Variants in SVOP observed in about 807,000 individuals in gnomAD.
SVOP encodes the protein SV2 related protein, also known as synaptic vesicle 2-related protein.
Under a neutral mutation model 69.1 loss-of-function variants are expected in SVOP, and 17 were observed. The ratio of observed to expected loss-of-function variants is 0.25; its 90% CI spans 0.17 to 0.37. The LOEUF (loss-of-function observed/expected upper bound fraction) is 0.37, where lower values mean the gene tolerates loss of function less well. SVOP is among the 10% of genes least tolerant of loss of function. SVOP has a pLI of 1.00. For synonymous variants in SVOP, 238 were observed against 238.6 expected (o/e 1.00, Z 0.02); for missense variants, 435 against 597.5 (o/e 0.73, Z 2.84).
chr12:108,991,821 T>A (rs36169194), intron 1 of SVOP, among the ~76,000 whole-genome samples: 2 of 151,388 alleles, frequency 1.3e-5, no homozygotes, highest in African/African-American at 4.9e-5. Flanking sequence ...TAGCACATAC[T>A]TGTGGTCTTG....
chr12:108,934,087 C>A (rs1014332785), intron 11 of SVOP, 108 bp downstream of exon 11: 8 of 943,782 alleles, frequency 8.5e-6, no homozygotes, highest in Middle Eastern at 2.6e-4. Flanking sequence ...AGAAGTAGTA[C>A]AAGGCCAATC....
chr12:108,981,919 A>G (rs1193966592), intron 2 of SVOP, among the ~76,000 whole-genome samples: 1 of 151,954 alleles, frequency 6.6e-6, no homozygotes, highest in Non-Finnish European at 1.5e-5. Flanking sequence ...TATCAGCATC[A>G]CCACCACTAT....
chr12:108,942,048 T>C (rs1353618761), intron 7 of SVOP, among the ~76,000 whole-genome samples: 3 of 152,228 alleles, frequency 2.0e-5, no homozygotes. Context: ...TTTTCGTCTC[T>C]ATGAATTTGA....
At chr12:108,997,859 GA>G in intron 1 of SVOP, among the ~76,000 whole-genome samples, 1 of 150,450 alleles carries the variant, frequency 6.6e-6, no homozygotes, top group Non-Finnish European at 1.5e-5. Context: ...CAAAGATGGG[GA>G]AAAAACAGAA....
At chr12:109,007,912 C>A (rs2040317974) in intron 1 of SVOP, among the ~76,000 whole-genome samples, 1 of 152,042 alleles carries the variant, frequency 6.6e-6, no homozygotes, top group South Asian at 2.1e-4. Context: ...GTGGTACGCA[C>A]CTTTGGTCTC....
At position 108,930,178 on chromosome 12, in the gene SVOP, C is replaced by T. The variant is rs906747190; in HGVS notation, c.1048+4017G>A. ...AATTTGCATGGAAACACAAGCAATG[C>T]TTGTTCATTTATATTGTTAAAAGAA... On this transcript the variant is annotated intron_variant, in intron 11 of 15. Coordinates refer to ENST00000610966, the MANE Select transcript of SVOP (RefSeq NM_018711.5). 5.9e-5 allele frequency among the ~76,000 whole-genome samples: 9 copies of T among 152,276 alleles called. No individual in the cohort carries two copies. The East Asian group carries it at 1.5e-3, about 26-fold the overall frequency.
chr12:109,007,444 C>A (rs2040315162), intron 1 of SVOP, among the ~76,000 whole-genome samples: 1 of 152,162 alleles, frequency 6.6e-6, no homozygotes, highest in Non-Finnish European at 1.5e-5. Context: ...TGCCTCTCAA[C>A]CTGAATCCTA....
At chr12:108,937,781 T>G (rs2137403841) in intron 9 of SVOP, among the ~76,000 whole-genome samples, 1 of 152,348 alleles carries the variant, frequency 6.6e-6, no homozygotes, top group Non-Finnish European at 1.5e-5. Flanking sequence ...TACCAAAAGA[T>G]TGATTAGCTA....
At chr12:108,950,002 G>A (rs185827164) in intron 6 of SVOP, among the ~76,000 whole-genome samples, 2 of 152,282 alleles carry the variant, frequency 1.3e-5, no homozygotes, top group East Asian at 3.9e-4. Context: ...TTAAATTTCT[G>A]TGTTAGGTTC....
chr12:108,967,941 T>A (rs2040054822), intron 5 of SVOP, among the ~76,000 whole-genome samples: 2 of 152,190 alleles, frequency 1.3e-5, no homozygotes, highest in Admixed American at 6.5e-5. Context: ...CTGAGGCCCT[T>A]CACAAACATG....
chr12:108,977,260 T>G, intron 4 of SVOP, 138 bp downstream of exon 4: 1 of 1,048,454 alleles, frequency 9.5e-7, no homozygotes, highest in Non-Finnish European at 1.3e-6. Context: ...ATATGTGAGG[T>G]GGGGATGGGA....
chr12:109,004,119 A>G (rs1477859768), intron 1 of SVOP, among the ~76,000 whole-genome samples: 5 of 152,128 alleles, frequency 3.3e-5, no homozygotes, highest in Non-Finnish European at 7.4e-5. Context: ...AGATTTCCTG[A>G]GGGGAAAAAA....
chr12:108,912,788 C>T (rs2039692470), intron 15 of SVOP, 47 bp from the exon 16 acceptor site: 1 of 1,561,942 alleles, frequency 6.4e-7, no homozygotes. Flanking sequence ...TTCTGAAGCA[C>T]AGACATCGCC....
At chr12:108,919,062 C>A (rs1289857387) in intron 13 of SVOP, among the ~76,000 whole-genome samples, 2 of 151,422 alleles carry the variant, frequency 1.3e-5, no homozygotes, top group Non-Finnish European at 1.5e-5. Flanking sequence ...GGCACCCACA[C>A]CCTACACCCA....
rs2039677757 is a variant in SVOP at position 108,910,907 on chromosome 12, A to G, written c.*1628T>C. ...CAATGTCCATCACTGACATGTTTTAATAAGAGTTGAACGCACAAATTGGCT... is the reference window on the plus strand; with the variant it reads ...CAATGTCCATCACTGACATGTTTTAGTAAGAGTTGAACGCACAAATTGGCT... On this transcript the variant is annotated 3_prime_UTR_variant, in exon 16 of 16. Transcript: ENST00000610966. The G allele has an allele frequency of 6.6e-6, 1 of 152,220 alleles. No individual in the cohort carries two copies. Among genetic ancestry groups the G allele is most frequent in the African/African-American group, 2.4e-5 (1 of 41,450 alleles). 9.4% of individuals were successfully genotyped at this position (152,220 alleles called of 1,614,324 possible). A position where few individuals can be genotyped will look rare whatever the true frequency, so the allele number is the denominator to read the frequency against.
At position 108,910,140 on chromosome 12, in the gene SVOP, T is replaced by A. The variant is rs2039672497; in HGVS notation, c.*2395A>T. The A allele has an allele frequency of 6.6e-6, 1 of 152,176 alleles. No homozygotes were observed. Among genetic ancestry groups the A allele is most frequent in the Non-Finnish European group, 1.5e-5 (1 of 68,076 alleles). The allele number at this position is 152,176 out of a possible 1,614,324, so 9.4% of individuals were successfully genotyped here. A position where few individuals can be genotyped will look rare whatever the true frequency, so the allele number is the denominator to read the frequency against. On this transcript the variant is annotated 3_prime_UTR_variant, in exon 16 of 16. Coordinates refer to ENST00000610966, the MANE Select transcript of SVOP (RefSeq NM_018711.5). ...ACACCTGGCTAATTTTTTTTTGTATTTTTAGTAGAGACGGGGTTTCACCAT... is the reference window on the plus strand; with the variant it reads ...ACACCTGGCTAATTTTTTTTTGTATATTTAGTAGAGACGGGGTTTCACCAT...
At chr12:108,983,576 T>TTCCCCAACTGCAGGGCCCTCTCACCA (rs2040153420) in intron 2 of SVOP, 25 bp downstream of exon 2, 1 of 398,700 alleles carries the variant, frequency 2.5e-6, no homozygotes, top group African/African-American at 2.1e-5. Flanking sequence ...CCCAGGCTGA[T>TTCCCCAACTGCAGGGCCCTCTCACCA]TCCCCAACTG....
chr12:108,972,753 G>A (rs757034631), intron 4 of SVOP, among the ~76,000 whole-genome samples: 14 of 152,338 alleles, frequency 9.2e-5, no homozygotes, highest in African/African-American at 2.4e-4. Flanking sequence ...GTTAAGTGGC[G>A]CAGCCTGCGC....
chr12:108,981,572 C>T (rs963969017), intron 2 of SVOP, among the ~76,000 whole-genome samples: 2 of 152,136 alleles, frequency 1.3e-5, no homozygotes, highest in Non-Finnish European at 2.9e-5. Flanking sequence ...GGCTCTGAGG[C>T]CAGATTGCCT....
Sources: gnomAD v4.1 joint callset for allele counts (sites outside exome capture counted in the v4.1 genomes callset) on GRCh38, gnomAD v4.1.1 for gene constraint, MANE v1.5 for transcripts, NCBI Gene and HGNC (gene_info 2026-07-23, HGNC 2026-07-21) for gene names.